Variants in FAM98B observed in about 807,000 individuals in gnomAD.
FAM98B encodes the protein tRNA-splicing ligase complex subunit FAM98B.
FAM98B carries 32 observed loss-of-function variants against 43.9 expected under a neutral mutation model. That is an observed-to-expected ratio of 0.73 (90% CI 0.55 to 0.98). The LOEUF (loss-of-function observed/expected upper bound fraction) is 0.98. Among genes scored for constraint, FAM98B ranks in the 50% least tolerant of loss-of-function variants. The pLI is 0.00. For missense variants in FAM98B, 514 were observed against 522.9 expected (o/e 0.98, Z 0.17); for synonymous variants, 190 against 174.0 (o/e 1.09, Z -0.72).
At chr15:38,477,978 T>C (rs1389239642) in intron 6 of FAM98B, among the ~76,000 whole-genome samples, 1 of 152,250 alleles carries the variant, frequency 6.6e-6, no homozygotes, top group African/African-American at 2.4e-5. Flanking sequence ...TTTATCTATG[T>C]TGGGTCTCCA....
intron 6 of FAM98B, among the ~76,000 whole-genome samples, chr15:38,480,687 A>C (rs1447187575): frequency 2.6e-5 from 4 of 152,214 alleles, no homozygotes; most frequent in African/African-American, 9.6e-5. Flanking sequence ...ATCCTGGCAC[A>C]TTTAATAAGT....
At chr15:38,480,262 T>C (rs1890263383) in intron 6 of FAM98B, among the ~76,000 whole-genome samples, 2 of 152,196 alleles carry the variant, frequency 1.3e-5, no homozygotes. Flanking sequence ...TGCTGTATTA[T>C]TGTTATTATT....
intron 1 of FAM98B, chr15:38,459,304 C>CTGGTA: frequency 2.0e-6 from 1 of 499,384 alleles, no homozygotes; most frequent in Non-Finnish European, 4.0e-6. Flanking sequence ...TCCGATAAAA[C>CTGGTA]TGGTACTGGA....
chr15:38,457,977 GAAA>G (rs1889876617), intron 1 of FAM98B, among the ~76,000 whole-genome samples: 1 of 144,460 alleles, frequency 6.9e-6, no homozygotes, highest in Admixed American at 7.0e-5. Context: ...TTTTTTTTAA[GAAA>G]GAGAATTTTC....
At chr15:38,460,312 T>C (rs1245885168) in intron 1 of FAM98B, among the ~76,000 whole-genome samples, 1 of 152,166 alleles carries the variant, frequency 6.6e-6, no homozygotes, top group Non-Finnish European at 1.5e-5. Context: ...TGGTAAACAC[T>C]AAACAGTTGC....
chr15:38,456,980 C>T (rs1211210007), intron 1 of FAM98B, among the ~76,000 whole-genome samples: 1 of 151,912 alleles, frequency 6.6e-6, no homozygotes, highest in East Asian at 1.9e-4. Flanking sequence ...GGGATGTGAT[C>T]GAATAATTTT....
intron 6 of FAM98B, among the ~76,000 whole-genome samples, chr15:38,478,334 TA>T (rs1890235145): frequency 6.6e-6 from 1 of 152,176 alleles, no homozygotes; most frequent in African/African-American, 2.4e-5. Flanking sequence ...GGAAGGTTTT[TA>T]AAAATATATT....
At chr15:38,478,918 A>T (rs529331107) in intron 6 of FAM98B, among the ~76,000 whole-genome samples, 1 of 152,266 alleles carries the variant, frequency 6.6e-6, no homozygotes, top group Non-Finnish European at 1.5e-5. Context: ...CCTTTTTAAA[A>T]TTAACTCTTA....
chr15:38,484,270 G>A lies in FAM98B; in HGVS notation c.913G>A (p.Val305Met). ...CAINKVLMGR[V>M]PDRGGRPNEI... ...CTTCACACAGGTGCTGATGGGAAGG[G>A]TGCCTGACAGGGGAGGCCGGCCGAA... Residue 305 changes from valine to methionine, a missense_variant, in exon 8 of 8, where the codon GTG becomes ATG. Physicochemically the swap from Val to Met is conservative, Grantham distance 21. Around this residue, in one of 2 missense-constraint regions of FAM98B, gnomAD observed 469 missense variants for 451.8 expected, o/e 1.04. Transcript: ENST00000397609. 1.9e-6 allele frequency: 3 copies of A among 1,549,930 alleles called. No homozygotes were observed. Among genetic ancestry groups the A allele is most frequent in the Non-Finnish European group, 2.6e-6 (3 of 1,146,996 alleles).
rs1187087953 is a variant in FAM98B, at chr15:38,486,225, T to G, written c.*1566T>G. The G allele has an allele frequency of 1.3e-5, 2 of 152,156 alleles. No homozygotes were observed. Among genetic ancestry groups the G allele is most frequent in the Non-Finnish European group, 2.9e-5 (2 of 67,996 alleles). The allele number at this position is 152,156 out of a possible 1,614,324, so 9.4% of individuals were successfully genotyped here. ...TTTTGGTTATTTGTAAATTTATTTT[T>G]TGTGTGTTTATATTTAATGAAAAGA... On this transcript the variant is annotated 3_prime_UTR_variant, in exon 8 of 8. Transcript: ENST00000397609.
At chr15:38,470,950 AT>A (rs578034777) in intron 4 of FAM98B, among the ~76,000 whole-genome samples, 8,258 of 141,168 alleles carry the variant, frequency 0.058, 492 homozygotes, top group African/African-American at 0.16. Flanking sequence ...GTACTTTGGC[AT>A]TTTTTTTTTT....
At chr15:38,465,077 G>C (rs1478412178) in intron 2 of FAM98B, among the ~76,000 whole-genome samples, 192 bp from the exon 3 acceptor site, 1 of 152,194 alleles carries the variant, frequency 6.6e-6, no homozygotes, top group East Asian at 1.9e-4. Flanking sequence ...GCTCTGAAGT[G>C]AATTAATAAT....
intron 4 of FAM98B, among the ~76,000 whole-genome samples, chr15:38,472,730 A>G (rs1890145447): frequency 6.6e-6 from 1 of 152,040 alleles, no homozygotes; most frequent in Non-Finnish European, 1.5e-5. Flanking sequence ...TGCCCCCAAC[A>G]TTAAATAAGC....
chr15:38,480,743 A>G (rs36016435), intron 6 of FAM98B, among the ~76,000 whole-genome samples: 33,258 of 152,124 alleles, frequency 0.22, 3,828 homozygotes, highest in Non-Finnish European at 0.25. Context: ...TTTGTATTAT[A>G]GCATATTAGT....
chr15:38,456,963 C>T (rs1485143511), intron 1 of FAM98B, among the ~76,000 whole-genome samples: 1 of 152,104 alleles, frequency 6.6e-6, no homozygotes, highest in Non-Finnish European at 1.5e-5. Flanking sequence ...TTGATCATAA[C>T]AGCAATGGGA....
intron 6 of FAM98B, among the ~76,000 whole-genome samples, chr15:38,480,538 C>G (rs1890266609): frequency 6.6e-6 from 1 of 151,760 alleles, no homozygotes; most frequent in African/African-American, 2.4e-5. Context: ...CTAGGATTCT[C>G]TCTATATTTT....
intron 3 of FAM98B, 107 bp from the exon 4 acceptor site, chr15:38,470,120 G>C (rs1890100852): frequency 6.3e-6 from 6 of 958,290 alleles, no homozygotes; most frequent in African/African-American, 1.7e-5. Flanking sequence ...TTGTAAGTTG[G>C]CATTATTGGT....
intron 4 of FAM98B, 80 bp downstream of exon 4, chr15:38,470,485 C>A: frequency 7.9e-7 from 1 of 1,264,970 alleles, no homozygotes; most frequent in East Asian, 2.6e-5. Context: ...AAACTATTCC[C>A]TATAATTATG....
chr15:38,473,505 G>T lies in FAM98B; in HGVS notation c.532G>T (p.Val178Leu), dbSNP rs139669477. The T allele has an allele frequency of 2.5e-6, 4 of 1,594,690 alleles. No homozygotes were observed. Among genetic ancestry groups the T allele is most frequent in the Non-Finnish European group, 3.4e-6 (4 of 1,170,156 alleles). ...CACAATCTTTTATATTTACTTTTAG[G>T]TGAAAGATATTCTCTCAAAGGTCCA... is the stretch of plus-strand genomic sequence containing the variant. ...PHMLNQVESK[V>L]KDILSKVQKN... Residue 178 changes from valine to leucine, a missense_variant and splice_region_variant, in exon 5 of 8, where the codon GTG becomes TTG. Val to Leu is a conservative substitution (Grantham distance 32, BLOSUM62 1). Around this residue, in one of 2 missense-constraint regions of FAM98B, gnomAD observed 469 missense variants for 451.8 expected, o/e 1.04. Coordinates refer to ENST00000397609, the MANE Select transcript of FAM98B (RefSeq NM_173611.4).
Sources: gnomAD v4.1 joint callset for allele counts (sites outside exome capture counted in the v4.1 genomes callset) on GRCh38, gnomAD v4.1.1 for gene constraint, gnomAD v4.1.1 regional missense constraint, MANE v1.5 for transcripts, NCBI Gene and HGNC (gene_info 2026-07-23, HGNC 2026-07-21) for gene names.